EML4: variants seen among roughly 807,000 people sequenced by gnomAD.
EML4 encodes the protein echinoderm microtubule-associated protein-like 4.
A neutral mutation model predicts 129.0 loss-of-function variants in EML4; 72 were observed. The observed-to-expected ratio is 0.56, with a 90% CI of 0.46 to 0.68. EML4 has a LOEUF of 0.68. Ranked by LOEUF, EML4 falls within the 30% of genes least tolerant of loss-of-function variation. The pLI, the probability that EML4 is intolerant of heterozygous loss-of-function variation, is 0.00. For missense variants in EML4, 1,363 were observed against 1,190.6 expected (o/e 1.14, Z -2.13); for synonymous variants, 532 against 405.0 (o/e 1.31, Z -3.77).
At position 42,303,376 on chromosome 2, in the gene EML4, G is replaced by T; in HGVS notation, c.1829G>T (p.Cys610Phe). Residue 610 changes from cysteine (C) to phenylalanine (F), a missense_variant, in exon 16 of 23, where the codon TGT (cysteine) becomes TTT (phenylalanine). By Grantham distance (205) the Cys-to-Phe change is radical. Transcript: ENST00000318522. ...CCCTTCAAAGATTTGCTCTTGACAT[G>T]TGCTCAGGACAGGCAGGTGTGCCTG... is the stretch of plus-strand genomic sequence containing the variant. ...THPFKDLLLT[C>F]AQDRQVCLWN... 6.2e-7 allele frequency: 1 copy of T among 1,614,146 alleles called. No homozygotes were observed. Among genetic ancestry groups the T allele is most frequent in the Non-Finnish European group, 8.5e-7 (1 of 1,180,022 alleles).
chr2:42,182,479 C>T (rs1210647727), intron 1 of EML4, among the ~76,000 whole-genome samples: 1 of 152,026 alleles, frequency 6.6e-6, no homozygotes, highest in African/African-American at 2.4e-5. Flanking sequence ...TAAACTGACA[C>T]CCCGTACTGT....
At position 42,306,305 on chromosome 2, in the gene EML4, T is replaced by A. The variant is rs893991596; in HGVS notation, c.1967+1754T>A. Among the ~76,000 whole-genome samples, 4 of 152,090 alleles carry A rather than the reference T, an allele frequency of 2.6e-5. No individual in the cohort carries two copies. The South Asian group carries it at 8.3e-4, about 32-fold the overall frequency. On this transcript the variant is annotated intron_variant, in intron 17 of 22. Coordinates refer to ENST00000318522, the MANE Select transcript of EML4 (RefSeq NM_019063.5). ...ATTTTCTTCAACCAAAAAAAATGGT[T>A]AAGCACACAGGAAACCATCTGAGGT...
chr2:42,217,646 C>T (rs1279975004), intron 1 of EML4, among the ~76,000 whole-genome samples: 2 of 152,188 alleles, frequency 1.3e-5, no homozygotes, highest in African/African-American at 4.8e-5. Flanking sequence ...TTAAAATATG[C>T]TTCTGGACTA....
In EML4 at chr2:42,332,321, C is replaced by T. The variant is rs1670146469; in HGVS notation, c.*2114C>T. On this transcript the variant is annotated 3_prime_UTR_variant, in exon 23 of 23. Transcript: ENST00000318522. ...TACTAATACGCAGGAAGCGTTCCAG[C>T]TATTTAATGCTGGCAACTACTGTTT... The T allele has an allele frequency of 4.7e-6, 1 of 210,744 alleles. No homozygotes were observed. Among genetic ancestry groups the T allele is most frequent in the Admixed American group, 5.9e-5 (1 of 16,970 alleles). The allele number at this position is 210,744 out of a possible 1,614,324, so 13.1% of individuals were successfully genotyped here. A position where few individuals can be genotyped will look rare whatever the true frequency, so the allele number is the denominator to read the frequency against.
chr2:42,260,237 C>T (rs13031407), intron 3 of EML4, among the ~76,000 whole-genome samples: 47,340 of 151,756 alleles, frequency 0.31, 8,099 homozygotes, highest in East Asian at 0.57. Flanking sequence ...GTGCAATCTC[C>T]GCTCACTGCA....
intron 5 of EML4, 52 bp downstream of exon 5, chr2:42,263,358 A>G (rs771210839): frequency 3.0e-5 from 29 of 980,812 alleles, no homozygotes; most frequent in East Asian, 3.8e-5. Context: ...TTATTTGGCT[A>G]TTATGTTTGC....
At chr2:42,231,583 C>G (rs918909294) in intron 1 of EML4, among the ~76,000 whole-genome samples, 6 of 152,154 alleles carry the variant, frequency 3.9e-5, no homozygotes, top group African/African-American at 1.4e-4. Flanking sequence ...AGGGATCTTC[C>G]TGTACTTTTT....
At chr2:42,219,852 G>C (rs1673451811) in intron 1 of EML4, among the ~76,000 whole-genome samples, 1 of 151,838 alleles carries the variant, frequency 6.6e-6, no homozygotes, top group Non-Finnish European at 1.5e-5. Flanking sequence ...CTTGAACCTG[G>C]GAGGTGGGGG....
At chr2:42,232,800 C>A (rs1356768068) in intron 1 of EML4, among the ~76,000 whole-genome samples, 1 of 152,140 alleles carries the variant, frequency 6.6e-6, no homozygotes, top group Non-Finnish European at 1.5e-5. Context: ...TTTCGGCTCA[C>A]TGCAAGCTCC....
chr2:42,229,369 A>G (rs1674177025), intron 1 of EML4, among the ~76,000 whole-genome samples: 1 of 152,214 alleles, frequency 6.6e-6, no homozygotes, highest in Non-Finnish European at 1.5e-5. Context: ...TGATGAAGCC[A>G]GTTTTTAAAT....
At chr2:42,246,488 A>G (rs1379017695) in intron 2 of EML4, among the ~76,000 whole-genome samples, 2 of 152,210 alleles carry the variant, frequency 1.3e-5, no homozygotes, top group African/African-American at 2.4e-5. Flanking sequence ...GGAGTTTTAT[A>G]TAACTCCCAA....
At chr2:42,262,959 C>G (rs945566044) in intron 4 of EML4, among the ~76,000 whole-genome samples, 3 of 152,020 alleles carry the variant, frequency 2.0e-5, no homozygotes, top group Non-Finnish European at 4.4e-5. Flanking sequence ...AATATTTGTT[C>G]TAGTGAATCT....
intron 3 of EML4, among the ~76,000 whole-genome samples, chr2:42,259,722 CTTTTTTTTTTTTTTTT>C (rs780243101): frequency 1.0e-5 from 1 of 98,348 alleles, no homozygotes; most frequent in Non-Finnish European, 1.9e-5. Context: ...TTCTTTCTTT[CTTTTTTTTTTTTTTTT>C]TTTTTTTTTG....
At chr2:42,213,303 A>G (rs1672986184) in intron 1 of EML4, among the ~76,000 whole-genome samples, 2 of 151,968 alleles carry the variant, frequency 1.3e-5, no homozygotes, top group Admixed American at 6.6e-5. Context: ...GACTTCTAAC[A>G]CCATAGGTTA....
intron 1 of EML4, among the ~76,000 whole-genome samples, chr2:42,187,324 A>G (rs1671315887): frequency 1.3e-5 from 2 of 152,116 alleles, no homozygotes; most frequent in African/African-American, 4.8e-5. Context: ...CTGGGATTAC[A>G]GGGGTAAGCC....
At chr2:42,224,978 G>A (rs1572577197) in intron 1 of EML4, among the ~76,000 whole-genome samples, 2 of 152,118 alleles carry the variant, frequency 1.3e-5, no homozygotes, top group East Asian at 1.9e-4. Context: ...GCCTATTCTA[G>A]GTACCTGGTA....
At chr2:42,201,796 A>G (rs536116076) in intron 1 of EML4, among the ~76,000 whole-genome samples, 9 of 152,142 alleles carry the variant, frequency 5.9e-5, no homozygotes, top group Admixed American at 3.9e-4. Context: ...AAACTCAGAA[A>G]ATAGGCCGGG....
At chr2:42,186,211 A>C (rs1191388458) in intron 1 of EML4, among the ~76,000 whole-genome samples, 1 of 152,206 alleles carries the variant, frequency 6.6e-6, no homozygotes, top group Non-Finnish European at 1.5e-5. Flanking sequence ...ACAGAAAAAT[A>C]CATAGCCAAA....
At chr2:42,227,104 A>G (rs559922425) in intron 1 of EML4, among the ~76,000 whole-genome samples, 173 of 152,012 alleles carry the variant, frequency 1.1e-3, no homozygotes, top group Non-Finnish European at 2.2e-3. Flanking sequence ...AATGATGTTC[A>G]TTCTTTTTCT....
Sources: gnomAD v4.1 joint callset for allele counts (sites outside exome capture counted in the v4.1 genomes callset) on GRCh38, gnomAD v4.1.1 for gene constraint, MANE v1.5 for transcripts, NCBI Gene and HGNC (gene_info 2026-07-23, HGNC 2026-07-21) for gene names.